AKAP8L: variants seen among roughly 807,000 people sequenced by gnomAD.
AKAP8L encodes the protein A-kinase anchor protein 8-like.
Under a neutral mutation model 77.5 loss-of-function variants are expected in AKAP8L, and 34 were observed. The observed-to-expected ratio is 0.44, with a 90% CI of 0.33 to 0.58. AKAP8L has a LOEUF of 0.58. Ranked by LOEUF, AKAP8L falls within the 20% of genes least tolerant of loss-of-function variation. AKAP8L has a pLI of 0.02. For synonymous variants in AKAP8L, 342 were observed against 340.7 expected, an observed-to-expected ratio of 1.00 and a Z score of -0.04; for missense variants, 806 against 887.6, an observed-to-expected ratio of 0.91 and a Z score of 1.17.
At chr19:15,406,909 G>A (rs1035263886) in intron 2 of AKAP8L, among the ~76,000 whole-genome samples, 5 of 152,194 alleles carry the variant, frequency 3.3e-5, no homozygotes, top group African/African-American at 1.2e-4. Flanking sequence ...TATCATGTAA[G>A]CATATAAAAA....
At chr19:15,396,515 C>T (rs1278308734) in intron 12 of AKAP8L, among the ~76,000 whole-genome samples, 1 of 152,202 alleles carries the variant, frequency 6.6e-6, no homozygotes, top group Non-Finnish European at 1.5e-5. Flanking sequence ...CTCCCTGCTC[C>T]CTGACAATCT....
chr19:15,413,116 A>G (rs1968138579), intron 1 of AKAP8L, among the ~76,000 whole-genome samples: 2 of 152,174 alleles, frequency 1.3e-5, no homozygotes, highest in Non-Finnish European at 2.9e-5. Flanking sequence ...TGCTAAGAAC[A>G]TTTATCTGCA....
intron 12 of AKAP8L, among the ~76,000 whole-genome samples, chr19:15,382,343 G>A (rs752723941): frequency 4.0e-5 from 6 of 151,740 alleles, no homozygotes; most frequent in East Asian, 1.9e-4. Flanking sequence ...CTAGGACTAC[G>A]GGCACGCACC....
Position 15,380,218 on chromosome 19 carries a change from G to T in AKAP8L, c.1845C>A (p.Ala615=). 6.6e-7 allele frequency: 1 copy of T among 1,508,310 alleles called. No individual in the cohort carries two copies. The allele number at this position is 1,508,310 out of a possible 1,614,324, so 93.4% of individuals were successfully genotyped here. Residue 615 remains alanine, a synonymous_variant, in exon 14 of 14, where the codon GCC becomes GCA. Coordinates refer to ENST00000397410, the MANE Select transcript of AKAP8L (RefSeq NM_014371.4). The part of the protein sequence containing the change: ...PPPPEEEEEG[A]VPLLGGALQR... Reference sequence around the variant, plus strand: ...GCAGCGCCCCTCCCAGCAAGGGCACGGCGCCCTCCTCCTCCTCCTCTGGGG... The same window carrying T: ...GCAGCGCCCCTCCCAGCAAGGGCACTGCGCCCTCCTCCTCCTCCTCTGGGG...
chr19:15,418,067 G>C (rs1471180090), intron 1 of AKAP8L, among the ~76,000 whole-genome samples: 1 of 152,190 alleles, frequency 6.6e-6, no homozygotes, highest in African/African-American at 2.4e-5. Flanking sequence ...CCCTGGGCCA[G>C]ATATCTTTAT....
rs199955688 is a variant in AKAP8L, at chr19:15,390,058, C to A, written c.1536+7092G>T. On this transcript the variant is annotated intron_variant, in intron 12 of 13. Coordinates refer to ENST00000397410, the MANE Select transcript of AKAP8L (RefSeq NM_014371.4). The stretch of plus-strand genomic sequence containing the variant: ...TTACTAAAAATGACTTAAAAAAAAA[C>A]CCCAGACTATCTGAATATACCCTAT... 1.1e-4 allele frequency among the ~76,000 whole-genome samples: 17 copies of A among 151,210 alleles called. No homozygotes were observed. In the East Asian group the frequency reaches 1.7e-3, roughly 16 times the overall value.
intron 1 of AKAP8L, among the ~76,000 whole-genome samples, chr19:15,410,931 G>C (rs1226895346): frequency 1.3e-5 from 2 of 152,158 alleles, no homozygotes; most frequent in Non-Finnish European, 2.9e-5. Flanking sequence ...TCCTGCCTCA[G>C]CCTCCCAAGT....
At chr19:15,407,404 T>A (rs1183298647) in intron 2 of AKAP8L, among the ~76,000 whole-genome samples, 1 of 152,224 alleles carries the variant, frequency 6.6e-6, no homozygotes, top group Non-Finnish European at 1.5e-5. Context: ...TTAAATGTTA[T>A]ATTGTTCTTG....
intron 12 of AKAP8L, among the ~76,000 whole-genome samples, chr19:15,391,740 A>G (rs957661597): frequency 6.6e-6 from 1 of 151,074 alleles, no homozygotes; most frequent in Non-Finnish European, 1.5e-5. Flanking sequence ...GGGTTTCACC[A>G]TGTTAGCCAG....
intron 1 of AKAP8L, among the ~76,000 whole-genome samples, chr19:15,418,248 T>C (rs1439689109): frequency 1.3e-5 from 2 of 152,238 alleles, no homozygotes; most frequent in East Asian, 1.9e-4. Context: ...GGAATTCTTG[T>C]CTGTATTCCC....
intron 1 of AKAP8L, among the ~76,000 whole-genome samples, chr19:15,412,940 C>T (rs1397491860): frequency 2.0e-5 from 3 of 152,200 alleles, no homozygotes; most frequent in Middle Eastern, 3.2e-3. Flanking sequence ...CAACTCATGA[C>T]CTGAAAATTA....
chr19:15,418,686 G>C (rs562938962), intron 1 of AKAP8L, among the ~76,000 whole-genome samples: 1 of 152,374 alleles, frequency 6.6e-6, no homozygotes, highest in South Asian at 2.1e-4. Context: ...CAGAAGCCAA[G>C]ACATCAGGCG....
At position 15,380,367 on chromosome 19, in the gene AKAP8L, C is replaced by T. The variant is rs775633249; in HGVS notation, c.1696G>A (p.Ala566Thr). Residue 566 changes from alanine (A) to threonine (T), a missense_variant, in exon 14 of 14, where the codon GCC (alanine) becomes ACC (threonine). Physicochemically the swap from Ala to Thr is moderately conservative, Grantham distance 58. Coordinates refer to ENST00000397410, the MANE Select transcript of AKAP8L (RefSeq NM_014371.4). ...EKEQEEAEGGALDEGAQGEAA... is the reference protein window; with the variant it reads ...EKEQEEAEGGTLDEGAQGEAA... ...TCGCCCTGCGCCCCCTCGTCCAGGG[C>T]ACCGCCCTCAGCCTCCTCCTGCTCC... 50 of 1,564,566 alleles carry T rather than the reference C, an allele frequency of 3.2e-5. No individual in the cohort carries two copies. The highest frequency in any genetic ancestry group is 1.7e-4 in the Middle Eastern group (1 of 5,986).
intron 2 of AKAP8L, among the ~76,000 whole-genome samples, chr19:15,406,840 AT>A (rs1280468201): frequency 1.3e-5 from 2 of 152,236 alleles, no homozygotes; most frequent in African/African-American, 4.8e-5. Context: ...ATAGAAAACA[AT>A]TTAACACTCA....
Position 15,393,900 on chromosome 19 carries a change from T to C in AKAP8L, c.1536+3250A>G, listed in dbSNP as rs574687464. On this transcript the variant is annotated intron_variant, in intron 12 of 13. Coordinates refer to ENST00000397410, the MANE Select transcript of AKAP8L (RefSeq NM_014371.4). ...CCTGGGCAAGAAGAGCGAATCTCTG[T>C]CTCAAAAAAAAAAAAAAAAAAAAGT... Among the ~76,000 whole-genome samples, 494 of 79,858 alleles carry C rather than the reference T, an allele frequency of 6.2e-3. 6 individuals are homozygous for C. The highest frequency in any genetic ancestry group is 0.025 in the African/African-American group (476 of 18,826). 52.4% of individuals were successfully genotyped at this position (79,858 alleles called of 152,430 possible). A position where few individuals can be genotyped will look rare whatever the true frequency, so the allele number is the denominator to read the frequency against.
intron 12 of AKAP8L, among the ~76,000 whole-genome samples, chr19:15,384,598 G>A (rs1266406957): frequency 2.0e-5 from 3 of 152,136 alleles, no homozygotes; most frequent in African/African-American, 4.8e-5. Flanking sequence ...ACCATGCCTG[G>A]CCCTCAAGTC....
Position 15,397,255 on chromosome 19 carries a change from C to G in AKAP8L, c.1431G>C (p.Lys477Asn). The G allele has an allele frequency of 6.2e-7, 1 of 1,614,030 alleles. No homozygotes were observed. The highest frequency in any genetic ancestry group is 8.5e-7 in the Non-Finnish European group (1 of 1,179,902). Residue 477 changes from lysine to asparagine, a missense_variant, in exon 12 of 14, where the codon AAG becomes AAC. Around this residue, in one of 2 missense-constraint regions of AKAP8L, gnomAD observed 580 missense variants for 694.1 expected, o/e 0.84. Transcript: ENST00000397410. This position sits in a 1 kb window ranked among gnomAD's most constrained non-coding sequence, Gnocchi z 4.7. ...TQEIAMEHFV[K>N]KVEAAHCAAC... ...CTGCACAATGGGCTGCCTCCACCTT[C>G]TTCACAAAATGCTCCATGGCAATTT...
intron 4 of AKAP8L, among the ~76,000 whole-genome samples, chr19:15,402,319 C>G (rs1967916509): frequency 6.6e-6 from 1 of 152,184 alleles, no homozygotes; most frequent in African/African-American, 2.4e-5. Context: ...TTAACCGTGA[C>G]TGCAGCCCGC....
chr19:15,387,914 G>A (rs761872049), intron 12 of AKAP8L, among the ~76,000 whole-genome samples: 28 of 151,806 alleles, frequency 1.8e-4, no homozygotes, highest in Non-Finnish European at 3.8e-4. Context: ...AGCCAAGATC[G>A]CGCCACTGCA....
Sources: gnomAD v4.1 joint callset for allele counts (sites outside exome capture counted in the v4.1 genomes callset) on GRCh38, gnomAD v4.1.1 for gene constraint, gnomAD v4.1.1 regional missense constraint, Gnocchi (gnomAD v3.1) non-coding constraint, MANE v1.5 for transcripts, NCBI Gene and HGNC (gene_info 2026-07-23, HGNC 2026-07-21) for gene names.